The following NELL1 variants were observed in gnomAD, a reference collection of about 807,000 sequenced individuals.
NELL1 encodes neural EGFL like 1, also known as protein kinase C-binding protein NELL1.
NELL1 carries 76 observed loss-of-function variants against 107.4 expected under a neutral mutation model. The observed-to-expected ratio is 0.71, with a 90% confidence interval of 0.59 to 0.86. The LOEUF is 0.86. Ranked by LOEUF, NELL1 falls within the 40% of genes least tolerant of loss-of-function variation. The pLI is 0.00. For synonymous variants in NELL1, 353 were observed against 341.2 expected (o/e 1.03, Z -0.38); for missense variants, 1,024 against 1,005.5 (o/e 1.02, Z -0.25).
At chr11:20,809,475 C>T (rs970311885) in intron 3 of NELL1, among the ~76,000 whole-genome samples, 2 of 152,112 alleles carry the variant, frequency 1.3e-5, no homozygotes, top group Admixed American at 6.5e-5. Flanking sequence ...ACTTGTTCTT[C>T]GTATCTAGTT....
intron 2 of NELL1, among the ~76,000 whole-genome samples, chr11:20,755,137 G>A (rs978983013): frequency 6.6e-6 from 1 of 152,104 alleles, no homozygotes; most frequent in Non-Finnish European, 1.5e-5. Context: ...GTGGTACCCG[G>A]CAGTAAGATG....
chr11:20,744,655 G>A (rs1457104769), intron 2 of NELL1, among the ~76,000 whole-genome samples: 1 of 152,212 alleles, frequency 6.6e-6, no homozygotes, highest in African/African-American at 2.4e-5. Context: ...TTCTTTGCAA[G>A]GCGGTAGCCC....
intron 13 of NELL1, among the ~76,000 whole-genome samples, chr11:21,146,050 T>G (rs898395564): frequency 3.9e-5 from 6 of 152,178 alleles, no homozygotes; most frequent in Non-Finnish European, 8.8e-5. Context: ...AGGAAGCTAT[T>G]TCATGCCTGT....
chr11:20,758,894 C>T (rs546287004), intron 2 of NELL1, among the ~76,000 whole-genome samples: 13 of 152,166 alleles, frequency 8.5e-5, no homozygotes, highest in African/African-American at 2.9e-4. Flanking sequence ...ACATTTTGTT[C>T]TTCTATTTTC....
intron 12 of NELL1, among the ~76,000 whole-genome samples, chr11:20,989,421 T>C (rs1851924062): frequency 6.6e-6 from 1 of 152,216 alleles, no homozygotes; most frequent in South Asian, 2.1e-4. Flanking sequence ...GGCCAGGGTA[T>C]TGAGACTGCT....
chr11:20,913,297 A>G (rs773155063), intron 5 of NELL1, among the ~76,000 whole-genome samples: 1 of 152,004 alleles, frequency 6.6e-6, no homozygotes, highest in Non-Finnish European at 1.5e-5. Flanking sequence ...ACAAAAAAAT[A>G]GAACCATTTT....
chr11:21,196,849 G>A (rs974977808), intron 13 of NELL1, among the ~76,000 whole-genome samples: 9 of 150,696 alleles, frequency 6.0e-5, no homozygotes, highest in Non-Finnish European at 1.3e-4. Flanking sequence ...AAATACCCAT[G>A]GTGTTATTTA....
intron 15 of NELL1, among the ~76,000 whole-genome samples, chr11:21,393,091 G>A (rs916951201): frequency 6.6e-5 from 10 of 151,236 alleles, no homozygotes; most frequent in South Asian, 2.1e-4. Flanking sequence ...TTTAAAATAC[G>A]ACCAATGGAA....
chr11:21,404,103 A>G (rs952630999), intron 15 of NELL1, among the ~76,000 whole-genome samples: 3 of 149,350 alleles, frequency 2.0e-5, no homozygotes, highest in Non-Finnish European at 3.0e-5. Flanking sequence ...GTCTCACAAA[A>G]CACATGTGAC....
At chr11:21,518,213 T>C (rs939420389) in intron 15 of NELL1, among the ~76,000 whole-genome samples, 5 of 150,990 alleles carry the variant, frequency 3.3e-5, no homozygotes, top group Non-Finnish European at 7.4e-5. Flanking sequence ...TGACAAAAGC[T>C]TTTTTTTTCC....
At chr11:20,730,456 A>G (rs1216665263) in intron 2 of NELL1, among the ~76,000 whole-genome samples, 4 of 152,174 alleles carry the variant, frequency 2.6e-5, no homozygotes, top group African/African-American at 9.7e-5. Flanking sequence ...TTTCATTCTC[A>G]TAGCAGTCTT....
In NELL1 at chr11:21,485,366, C is replaced by T. The variant is rs372090528; in HGVS notation, c.1646-49008C>T. On this transcript the variant is annotated intron_variant, in intron 15 of 19. Coordinates refer to ENST00000357134, the MANE Select transcript of NELL1 (RefSeq NM_006157.5). ...TGTGAGGAAATCACAGGCCCCATAGCTGTCTGCCTATTCTCCTCCCACTGA... is the reference window on the plus strand; with the variant it reads ...TGTGAGGAAATCACAGGCCCCATAGTTGTCTGCCTATTCTCCTCCCACTGA... 2.0e-4 allele frequency among the ~76,000 whole-genome samples: 30 copies of T among 152,196 alleles called. No individual in the cohort carries two copies. In the East Asian group the frequency reaches 3.5e-3, roughly 18 times the overall value.
intron 4 of NELL1, among the ~76,000 whole-genome samples, chr11:20,866,223 A>G (rs1275079140): frequency 6.6e-6 from 1 of 152,070 alleles, no homozygotes; most frequent in East Asian, 1.9e-4. Context: ...CCCAGATGGG[A>G]CTCTGCATCC....
At chr11:20,781,454 T>C (rs1856848422) in intron 2 of NELL1, among the ~76,000 whole-genome samples, 1 of 151,994 alleles carries the variant, frequency 6.6e-6, no homozygotes, top group Non-Finnish European at 1.5e-5. Context: ...TGGGGTTGGA[T>C]GATATCACTC....
chr11:21,340,531 T>C (rs1415295116), intron 14 of NELL1, among the ~76,000 whole-genome samples: 3 of 151,414 alleles, frequency 2.0e-5, no homozygotes, highest in African/African-American at 7.3e-5. Flanking sequence ...GGGACTTTAC[T>C]TGGAAATAAG....
At chr11:21,142,650 C>T (rs867754700) in intron 13 of NELL1, among the ~76,000 whole-genome samples, 1 of 152,140 alleles carries the variant, frequency 6.6e-6, no homozygotes, top group Admixed American at 6.5e-5. Context: ...GATTCTACAG[C>T]CTCCTGATGG....
intron 14 of NELL1, among the ~76,000 whole-genome samples, chr11:21,263,348 A>C (rs182205301): frequency 1.3e-3 from 202 of 152,072 alleles, no homozygotes; most frequent in African/African-American, 4.5e-3. Flanking sequence ...GATTAAATTC[A>C]ATGTGGGGTA....
chr11:21,194,038 A>G (rs922803332), intron 13 of NELL1, among the ~76,000 whole-genome samples: 2 of 151,876 alleles, frequency 1.3e-5, no homozygotes, highest in African/African-American at 4.9e-5. Context: ...TGTCCTTCAC[A>G]TTGGAAGATT....
intron 15 of NELL1, among the ~76,000 whole-genome samples, chr11:21,383,436 C>T (rs555931453): frequency 6.6e-6 from 1 of 151,828 alleles, no homozygotes; most frequent in East Asian, 2.0e-4. Context: ...ACTTCAGGAC[C>T]TCCTCAGTGC....
Sources: gnomAD v4.1 joint callset for allele counts (sites outside exome capture counted in the v4.1 genomes callset) on GRCh38, gnomAD v4.1.1 for gene constraint, MANE v1.5 for transcripts, NCBI Gene and HGNC (gene_info 2026-07-23, HGNC 2026-07-21) for gene names.